Variants in BRINP3 observed in about 807,000 individuals in gnomAD.
The protein encoded by BRINP3 is BMP/retinoic acid inducible neural specific 3, also known as BMP/retinoic acid-inducible neural-specific protein 3.
BRINP3 carries 19 observed loss-of-function variants against 71.0 expected under a neutral mutation model. The observed-to-expected ratio is 0.27, with a 90% CI of 0.19 to 0.39. BRINP3 has a LOEUF of 0.39. Ranked by LOEUF, BRINP3 falls within the 10% of genes least tolerant of loss-of-function variation. The probability of loss-of-function intolerance (pLI) is 1.00; values close to 1 mark genes in which losing one functional copy is unlikely to be tolerated. For missense variants in BRINP3, 959 were observed against 940.8 expected (o/e 1.02, Z -0.25); for synonymous variants, 380 against 337.7 (o/e 1.13, Z -1.37).
At chr1:190,170,599 T>C (rs527396710) in intron 6 of BRINP3, among the ~76,000 whole-genome samples, 66 of 152,270 alleles carry the variant, frequency 4.3e-4, no homozygotes, top group African/African-American at 1.6e-3. Flanking sequence ...TGTTTTACAA[T>C]TCTAAGACTT....
chr1:190,379,368 A>T (rs910674528), intron 2 of BRINP3, among the ~76,000 whole-genome samples: 2 of 152,188 alleles, frequency 1.3e-5, no homozygotes, highest in Non-Finnish European at 2.9e-5. Context: ...AAGAAAAGGT[A>T]CAAACAATAA....
chr1:190,165,839 A>G (rs760958453), intron 6 of BRINP3, among the ~76,000 whole-genome samples: 19 of 152,252 alleles, frequency 1.2e-4, no homozygotes, highest in Admixed American at 3.9e-4. Flanking sequence ...AAAAGTTGAG[A>G]CAGAGAAATT....
chr1:190,278,978 A>G (rs1662837965), intron 3 of BRINP3, among the ~76,000 whole-genome samples: 1 of 151,932 alleles, frequency 6.6e-6, no homozygotes, highest in Admixed American at 6.6e-5. Flanking sequence ...ACTAAGGAAC[A>G]AGAATGTCTA....
chr1:190,308,044 T>C (rs777504542), intron 2 of BRINP3, among the ~76,000 whole-genome samples: 6 of 151,960 alleles, frequency 3.9e-5, no homozygotes, highest in Non-Finnish European at 8.8e-5. Context: ...CTGTTTGATA[T>C]GGTATAAACA....
chr1:190,270,258 A>G (rs994873068), intron 3 of BRINP3, among the ~76,000 whole-genome samples: 1 of 151,804 alleles, frequency 6.6e-6, no homozygotes, highest in Non-Finnish European at 1.5e-5. Flanking sequence ...TATTTAAAGA[A>G]ACACTTTTGG....
At chr1:190,233,898 T>C (rs940637431) in intron 5 of BRINP3, among the ~76,000 whole-genome samples, 1 of 152,194 alleles carries the variant, frequency 6.6e-6, no homozygotes, top group Non-Finnish European at 1.5e-5. Flanking sequence ...TGAATATAAA[T>C]ATTTTGTTAA....
chr1:190,211,836 G>C (rs1656014965), intron 6 of BRINP3, among the ~76,000 whole-genome samples: 1 of 152,074 alleles, frequency 6.6e-6, no homozygotes, highest in Admixed American at 6.6e-5. Flanking sequence ...AGCAAAATTT[G>C]GTAATGGCAA....
At chr1:190,330,371 T>C (rs1193967182) in intron 2 of BRINP3, among the ~76,000 whole-genome samples, 2 of 151,846 alleles carry the variant, frequency 1.3e-5, no homozygotes, top group Non-Finnish European at 2.9e-5. Flanking sequence ...CCAACAAATA[T>C]ATGAAAAAAT....
chr1:190,139,692 CTT>C (rs1409349628), intron 7 of BRINP3, among the ~76,000 whole-genome samples: 1 of 152,034 alleles, frequency 6.6e-6, no homozygotes, highest in East Asian at 1.9e-4. Flanking sequence ...AAAAATGTGA[CTT>C]TATTGCTGAA....
At chr1:190,379,912 T>G (rs1159411858) in intron 2 of BRINP3, among the ~76,000 whole-genome samples, 2 of 147,784 alleles carry the variant, frequency 1.4e-5, no homozygotes, top group African/African-American at 5.0e-5. Context: ...GGCAGGAGAA[T>G]TGCTTGAACC....
chr1:190,262,624 G>C (rs1038194577), intron 4 of BRINP3, among the ~76,000 whole-genome samples: 1 of 152,080 alleles, frequency 6.6e-6, no homozygotes, highest in Admixed American at 6.6e-5. Context: ...ATGAGCACTG[G>C]AACTCCTTTC....
intron 6 of BRINP3, among the ~76,000 whole-genome samples, chr1:190,180,792 G>T (rs1652963042): frequency 6.6e-6 from 1 of 151,840 alleles, no homozygotes; most frequent in Non-Finnish European, 1.5e-5. Flanking sequence ...TCATTATTTG[G>T]TGCTAAGCTG....
intron 2 of BRINP3, among the ~76,000 whole-genome samples, chr1:190,442,801 C>CGTGTGT (rs35183761): frequency 3.0e-5 from 4 of 132,658 alleles, no homozygotes; most frequent in South Asian, 2.6e-4. Context: ...CATGCCTGTG[C>CGTGTGT]GTGTGTGTGT....
intron 2 of BRINP3, among the ~76,000 whole-genome samples, chr1:190,453,590 A>G (rs1309171353): frequency 1.3e-5 from 2 of 152,138 alleles, no homozygotes; most frequent in African/African-American, 4.8e-5. Flanking sequence ...ACTGCATGGA[A>G]TAAGGGATTT....
chr1:190,413,348 C>A (rs1672812844), intron 2 of BRINP3, among the ~76,000 whole-genome samples: 1 of 152,128 alleles, frequency 6.6e-6, no homozygotes. Context: ...ATGATGTCAC[C>A]TATAAAGGCT....
At chr1:190,133,330 A>G (rs963612158) in intron 7 of BRINP3, among the ~76,000 whole-genome samples, 1 of 152,154 alleles carries the variant, frequency 6.6e-6, no homozygotes, top group African/African-American at 2.4e-5. Flanking sequence ...AATTTAACAA[A>G]TATTTACCAA....
intron 7 of BRINP3, among the ~76,000 whole-genome samples, chr1:190,106,077 G>A (rs1160878295): frequency 6.6e-6 from 1 of 151,962 alleles, no homozygotes; most frequent in Non-Finnish European, 1.5e-5. Context: ...ATGCTGTTAA[G>A]TGATTAGTGT....
chr1:190,369,386 A>C (rs949834505), intron 2 of BRINP3, among the ~76,000 whole-genome samples: 3 of 152,078 alleles, frequency 2.0e-5, no homozygotes, highest in Non-Finnish European at 4.4e-5. Context: ...TCATTTTAAA[A>C]CCAGAATTAA....
chr1:190,183,780 T>C lies in BRINP3; in HGVS notation c.962-22890A>G, dbSNP rs142325448. ...TGAAAGTCCAGGCTCCCCACTTGGCTTTCTATCATACCACCACAATAGGGT... is the reference window on the plus strand; with the variant it reads ...TGAAAGTCCAGGCTCCCCACTTGGCCTTCTATCATACCACCACAATAGGGT... On this transcript the variant is annotated intron_variant, in intron 6 of 7. Coordinates refer to ENST00000367462, the MANE Select transcript of BRINP3 (RefSeq NM_199051.3). 2.5e-3 allele frequency among the ~76,000 whole-genome samples: 383 copies of C among 152,262 alleles called. 3 individuals carry two copies. Among genetic ancestry groups the C allele is most frequent in the African/African-American group, 8.9e-3 (370 of 41,568 alleles).
Sources: allele counts gnomAD v4.1 joint callset (sites outside exome capture counted in the v4.1 genomes callset), GRCh38; gene constraint gnomAD v4.1.1; transcripts MANE v1.5; gene names NCBI Gene and HGNC (gene_info 2026-07-23, HGNC 2026-07-21).